The following ATR variants were observed in gnomAD, a reference collection of about 807,000 sequenced individuals.
ATR encodes the protein serine/threonine-protein kinase ATR.
In ATR, 142 loss-of-function variants were observed where a neutral mutation model predicts 305.3. That is an observed-to-expected ratio of 0.47 (90% CI 0.41 to 0.53). The LOEUF is 0.53. ATR is among the 20% of genes least tolerant of loss of function. The probability of loss-of-function intolerance (pLI) is 0.00; values close to 1 mark genes in which losing one functional copy is unlikely to be tolerated. For synonymous variants in ATR, 1,050 were observed against 1,068.1 expected (o/e 0.98, Z 0.33); for missense variants, 2,135 against 3,133.1 (o/e 0.68, Z 7.60).
chr3:142,480,736 C>A lies in ATR; in HGVS notation c.6221+4404G>T, dbSNP rs541587471. On this transcript the variant is annotated intron_variant, in intron 36 of 46. Coordinates refer to ENST00000350721, the MANE Select transcript of ATR (RefSeq NM_001184.4). ...TCCTTGAGCTGCAGTGGGCTCCACC[C>A]AGTTCCAGCTTTCCAGCCACTTTGT... is the stretch of plus-strand genomic sequence containing the variant. Among the ~76,000 whole-genome samples, 12 of 152,334 alleles carry A rather than the reference C, an allele frequency of 7.9e-5. No individual in the cohort carries two copies. The South Asian group carries it at 2.5e-3, about 32-fold the overall frequency.
At chr3:142,575,669 C>T (rs2035414409) in intron 1 of ATR, among the ~76,000 whole-genome samples, 1 of 152,158 alleles carries the variant, frequency 6.6e-6, no homozygotes. Flanking sequence ...AAATGTCTTA[C>T]AACTACAAAG....
intron 27 of ATR, 117 bp from the exon 28 acceptor site, chr3:142,508,226 A>T: frequency 1.2e-6 from 1 of 841,126 alleles, no homozygotes; most frequent in East Asian, 2.7e-5. Context: ...ATATATTAGG[A>T]TATCATATTT....
chr3:142,472,205 G>A (rs2071298666), intron 36 of ATR: 1 of 151,844 alleles, frequency 6.6e-6, no homozygotes, highest in Non-Finnish European at 1.5e-5. Context: ...TAGCTTGGCT[G>A]TTGTGAAGAT....
intron 27 of ATR, among the ~76,000 whole-genome samples, chr3:142,510,115 G>GAAA (rs397760180): frequency 1.1e-4 from 10 of 95,228 alleles, no homozygotes; most frequent in Non-Finnish European, 1.2e-4. Flanking sequence ...GACTGTCTCA[G>GAAA]AAAAAAAAAA....
intron 21 of ATR, among the ~76,000 whole-genome samples, chr3:142,528,870 TATATATA>T (rs1339081354): frequency 1.5e-5 from 1 of 66,442 alleles, no homozygotes; most frequent in African/African-American, 1.0e-4. Flanking sequence ...TATATATATA[TATATATA>T]TATTTTTTTT....
At chr3:142,577,217 T>C (rs2035468632) in intron 1 of ATR, among the ~76,000 whole-genome samples, 1 of 152,136 alleles carries the variant, frequency 6.6e-6, no homozygotes, top group Non-Finnish European at 1.5e-5. Context: ...TACAAATAAA[T>C]GAAAGGTAAC....
intron 42 of ATR, among the ~76,000 whole-genome samples, chr3:142,461,177 AT>A (rs2071018010): frequency 6.6e-6 from 1 of 152,164 alleles, no homozygotes; most frequent in African/African-American, 2.4e-5. Context: ...ATTGTTAAGT[AT>A]CTGATAGGGA....
At chr3:142,477,625 C>T (rs899656775) in intron 36 of ATR, among the ~76,000 whole-genome samples, 4 of 152,170 alleles carry the variant, frequency 2.6e-5, no homozygotes, top group Admixed American at 2.0e-4. Context: ...TTAGGGAGGA[C>T]TCCCTCTTTC....
intron 16 of ATR, among the ~76,000 whole-genome samples, chr3:142,543,516 TTTC>T (rs1029928552): frequency 6.7e-6 from 1 of 148,986 alleles, no homozygotes; most frequent in African/African-American, 2.5e-5. Flanking sequence ...CCTCTTTCTC[TTTC>T]TTTCTTCCTC....
At chr3:142,561,619 G>A (rs896939809) in intron 4 of ATR, among the ~76,000 whole-genome samples, 198 bp from the exon 5 acceptor site, 1 of 152,032 alleles carries the variant, frequency 6.6e-6, no homozygotes, top group East Asian at 1.9e-4. Context: ...GTCTTAGAAG[G>A]TTTAAACAAA....
chr3:142,509,609 T>C (rs2032442596), intron 27 of ATR, among the ~76,000 whole-genome samples: 1 of 126,516 alleles, frequency 7.9e-6, no homozygotes, highest in African/African-American at 3.1e-5. Flanking sequence ...CAGGCTGGAG[T>C]GCAGGGGTGT....
chr3:142,557,764 C>T (rs2034724738), intron 8 of ATR, among the ~76,000 whole-genome samples: 1 of 152,142 alleles, frequency 6.6e-6, no homozygotes, highest in Non-Finnish European at 1.5e-5. Context: ...TCCCTAGTAG[C>T]TGGGACTACA....
chr3:142,486,053 A>C (rs1468598399), intron 35 of ATR, among the ~76,000 whole-genome samples: 1 of 151,026 alleles, frequency 6.6e-6, no homozygotes, highest in African/African-American at 2.5e-5. Context: ...CTTTCTGGCC[A>C]CTCTCACTTA....
intron 3 of ATR, among the ~76,000 whole-genome samples, chr3:142,565,048 A>G (rs1239870260): frequency 6.6e-6 from 1 of 152,140 alleles, no homozygotes; most frequent in Non-Finnish European, 1.5e-5. Flanking sequence ...TGCCCAGCCT[A>G]TGATATTTTC....
intron 32 of ATR, 71 bp downstream of exon 32, chr3:142,498,526 C>T: frequency 6.8e-7 from 1 of 1,477,162 alleles, no homozygotes; most frequent in Non-Finnish European, 9.3e-7. Flanking sequence ...ATTATTTACT[C>T]AAAAAAATTT....
In ATR at chr3:142,496,540, A is replaced by G. The variant is rs201946337; in HGVS notation, c.5739-20T>C. ...TCTGGTCTAAAGGAAGTAACAACACATTGGTGAGAGAGACCATTGGTAAGT... is the reference window on the plus strand; with the variant it reads ...TCTGGTCTAAAGGAAGTAACAACACGTTGGTGAGAGAGACCATTGGTAAGT... On this transcript the variant is annotated intron_variant, in intron 33 of 46. Transcript: ENST00000350721. 107 of 1,604,056 alleles carry G rather than the reference A, an allele frequency of 6.7e-5. No homozygotes were observed. The highest frequency in any genetic ancestry group is 8.9e-5 in the Non-Finnish European group (105 of 1,173,810).
At chr3:142,570,048 T>C (rs1277604296) in intron 1 of ATR, among the ~76,000 whole-genome samples, 2 of 152,240 alleles carry the variant, frequency 1.3e-5, no homozygotes, top group African/African-American at 4.8e-5. Flanking sequence ...CATCTTCTCA[T>C]GTGCTTATTT....
intron 16 of ATR, among the ~76,000 whole-genome samples, chr3:142,545,757 G>C (rs2034246084): frequency 1.3e-5 from 2 of 152,086 alleles, no homozygotes; most frequent in Admixed American, 6.6e-5. Context: ...GGAGAGACTT[G>C]ATAGGATTTG....
At chr3:142,475,546 C>T (rs577067923) in intron 36 of ATR, among the ~76,000 whole-genome samples, 31 of 152,100 alleles carry the variant, frequency 2.0e-4, no homozygotes, top group Middle Eastern at 6.8e-3. Flanking sequence ...TGAATAGTGC[C>T]GCAATAAACA....
Sources: allele counts gnomAD v4.1 joint callset (sites outside exome capture counted in the v4.1 genomes callset), GRCh38; gene constraint gnomAD v4.1.1; transcripts MANE v1.5; gene names NCBI Gene and HGNC (gene_info 2026-07-23, HGNC 2026-07-21).